Variants in RNLS observed in about 807,000 individuals in gnomAD.
RNLS encodes the protein renalase, FAD dependent amine oxidase.
In RNLS, 39 loss-of-function variants were observed where a neutral mutation model predicts 39.8. The ratio of observed to expected loss-of-function variants is 0.98; its 90% CI spans 0.76 to 1.28. The LOEUF is 1.28. RNLS is among the 50% of genes most tolerant of loss of function. The pLI is 0.00. For missense variants in RNLS, 410 were observed against 413.3 expected, an observed-to-expected ratio of 0.99 and a Z score of 0.07; for synonymous variants, 147 against 150.7, an observed-to-expected ratio of 0.98 and a Z score of 0.18.
intron 5 of RNLS, among the ~76,000 whole-genome samples, chr10:88,326,885 A>G (rs1846657691): frequency 6.6e-6 from 1 of 152,250 alleles, no homozygotes; most frequent in Non-Finnish European, 1.5e-5. Context: ...CTCTTGCATC[A>G]GTGTGACCTG....
chr10:88,397,664 A>G (rs917964106), intron 4 of RNLS, among the ~76,000 whole-genome samples: 3 of 152,076 alleles, frequency 2.0e-5, no homozygotes, highest in African/African-American at 7.2e-5. Flanking sequence ...AGAGAGATCA[A>G]TGATTCATAG....
chr10:88,352,319 T>C (rs1164622436), intron 5 of RNLS, among the ~76,000 whole-genome samples: 2 of 152,248 alleles, frequency 1.3e-5, no homozygotes, highest in African/African-American at 4.8e-5. Flanking sequence ...CCATTCAGGA[T>C]GATATTGGTT....
intron 4 of RNLS, among the ~76,000 whole-genome samples, chr10:88,410,378 C>A (rs1853580036): frequency 6.6e-6 from 1 of 151,954 alleles, no homozygotes; most frequent in Admixed American, 6.6e-5. Context: ...GAAAATAAAA[C>A]TTGATTTTGG....
At chr10:88,203,368 GTATATA>G in the RNLS span, among the ~76,000 whole-genome samples, 11 of 1,764 alleles carry the variant, frequency 6.2e-3, 2 homozygotes, top group Non-Finnish European at 0.011. Context: ...GTATGTGTGT[GTATATA>G]TATATATATA....
Position 88,507,881 on chromosome 10 carries a change from A to G in RNLS, c.526+65022T>C, listed in dbSNP as rs116588654. 2.7e-3 allele frequency among the ~76,000 whole-genome samples: 412 copies of G among 152,248 alleles called. 3 individuals carry two copies. Among genetic ancestry groups the G allele is most frequent in the African/African-American group, 9.5e-3 (394 of 41,580 alleles). ...TGATTTTGAGCTATGATTACATGTA[A>G]ATCTAATGTCTCTACAATTGATAAC... On this transcript the variant is annotated intron_variant, in intron 4 of 6. Transcript: ENST00000331772.
the RNLS span, among the ~76,000 whole-genome samples, chr10:88,223,501 G>A: frequency 3.7e-3 from 567 of 152,264 alleles, 5 homozygotes; most frequent in South Asian, 0.016. Flanking sequence ...TTTGAAACAC[G>A]ATCTTCATGT....
In RNLS at chr10:88,572,986, G is replaced by C. The variant is rs767320753; in HGVS notation, c.443C>G (p.Thr148Arg). 11 of 1,614,022 alleles carry C rather than the reference G, an allele frequency of 6.8e-6. No homozygotes were observed. Among genetic ancestry groups the C allele is most frequent in the Non-Finnish European group, 9.3e-6 (11 of 1,179,932 alleles). The change falls in exon 4 of 7, where the codon ACA becomes AGA. Residue 148 changes from threonine to arginine, a missense_variant. By Grantham distance (71) the Thr-to-Arg change is moderately conservative. Transcript: ENST00000331772. ...RDDKWEVSKQTGSPEQFDLIV... is the reference protein window; with the variant it reads ...RDDKWEVSKQRGSPEQFDLIV... The stretch of plus-strand genomic sequence containing the variant: ...AAGATCAAACTGCTCAGGGGAGCCT[G>C]TTTGTTTGGATACTTCCCATTTGTC...
chr10:88,430,047 C>T (rs1261289122), intron 4 of RNLS, among the ~76,000 whole-genome samples: 1 of 151,726 alleles, frequency 6.6e-6, no homozygotes, highest in Middle Eastern at 3.2e-3. Context: ...CCACAAAAAA[C>T]CTGTAGGGAA....
chr10:88,364,249 T>C (rs1414270640), intron 4 of RNLS, among the ~76,000 whole-genome samples: 2 of 152,182 alleles, frequency 1.3e-5, no homozygotes, highest in East Asian at 3.9e-4. Flanking sequence ...TCTACAACAG[T>C]AGGGATAAGT....
chr10:88,416,547 C>T (rs1854041742), intron 4 of RNLS, among the ~76,000 whole-genome samples: 1 of 152,140 alleles, frequency 6.6e-6, no homozygotes, highest in Non-Finnish European at 1.5e-5. Flanking sequence ...GCCACTGCGC[C>T]CAGCCCTGAA....
the RNLS span, among the ~76,000 whole-genome samples, chr10:88,185,851 C>G: frequency 6.6e-6 from 1 of 152,124 alleles, no homozygotes; most frequent in African/African-American, 2.4e-5. Flanking sequence ...TAAAATAAAA[C>G]TGCATCAAAT....
chr10:88,453,395 C>G (rs1842459285), intron 4 of RNLS, among the ~76,000 whole-genome samples: 1 of 152,200 alleles, frequency 6.6e-6, no homozygotes, highest in South Asian at 2.1e-4. Flanking sequence ...AGGCCTGTCC[C>G]TTTGCTTCCC....
chr10:88,391,850 T>C (rs577941413), intron 4 of RNLS, among the ~76,000 whole-genome samples: 60 of 152,322 alleles, frequency 3.9e-4, no homozygotes, highest in African/African-American at 1.3e-3. Flanking sequence ...TTTTTTGTCT[T>C]TTACTCTGCT....
chr10:88,343,962 A>C (rs1190540086), intron 5 of RNLS, among the ~76,000 whole-genome samples: 1 of 152,218 alleles, frequency 6.6e-6, no homozygotes, highest in Non-Finnish European at 1.5e-5. Flanking sequence ...CTATGATGAC[A>C]GTCCACTAAA....
chr10:88,259,319 A>C, the RNLS span: 2 of 152,236 alleles, frequency 1.3e-5, no homozygotes, highest in African/African-American at 4.8e-5. Flanking sequence ...CAATCTCTAC[A>C]GGGCATTGAT....
chr10:88,326,545 T>G (rs1589559825), intron 5 of RNLS, among the ~76,000 whole-genome samples: 1 of 152,342 alleles, frequency 6.6e-6, no homozygotes, highest in Non-Finnish European at 1.5e-5. Context: ...TGTGTGCTCT[T>G]AAAAGCATTC....
chr10:88,214,346 G>T, the RNLS span, among the ~76,000 whole-genome samples: 8 of 152,138 alleles, frequency 5.3e-5, no homozygotes. Flanking sequence ...AAGTCATTTG[G>T]GGAACTGCAA....
At chr10:88,518,012 T>A (rs1270821130) in intron 4 of RNLS, among the ~76,000 whole-genome samples, 1 of 151,910 alleles carries the variant, frequency 6.6e-6, no homozygotes, top group Non-Finnish European at 1.5e-5. Flanking sequence ...TAATTGAAAG[T>A]TGTTTTTGGA....
intron 4 of RNLS, among the ~76,000 whole-genome samples, chr10:88,560,941 AAC>A (rs35709088): frequency 0.55 from 80,343 of 145,402 alleles, 22,081 homozygotes; most frequent in East Asian, 0.78. Context: ...GTTCAGAGAT[AAC>A]ACACACACAC....
Sources: gnomAD v4.1 joint callset for allele counts (sites outside exome capture counted in the v4.1 genomes callset) on GRCh38, gnomAD v4.1.1 for gene constraint, MANE v1.5 for transcripts, NCBI Gene and HGNC (gene_info 2026-07-23, HGNC 2026-07-21) for gene names.